Variants in SPTBN1 observed in about 807,000 individuals in gnomAD.
SPTBN1 encodes spectrin beta chain, non-erythrocytic 1.
Under a neutral mutation model 266.4 loss-of-function variants are expected in SPTBN1, and 32 were observed. That is an observed-to-expected ratio of 0.12 (90% CI 0.09 to 0.16). The LOEUF (loss-of-function observed/expected upper bound fraction) is 0.16. Ranked by LOEUF, SPTBN1 falls within the 10% of genes least tolerant of loss-of-function variation. The pLI, the probability that SPTBN1 is intolerant of heterozygous loss-of-function variation, is 1.00. For missense variants in SPTBN1, 2,296 were observed against 3,067.1 expected (o/e 0.75, Z 5.94); for synonymous variants, 1,336 against 1,162.2 (o/e 1.15, Z -3.04).
intron 3 of SPTBN1, among the ~76,000 whole-genome samples, chr2:54,601,742 CTAGGTGATTCAATTTACT>C (rs1181836463): frequency 6.6e-6 from 1 of 152,152 alleles, no homozygotes; most frequent in Non-Finnish European, 1.5e-5. Flanking sequence ...GTTTGAGGGA[CTAGGTGATTCAATTTACT>C]TAATTAATAG....
intron 1 of SPTBN1, among the ~76,000 whole-genome samples, chr2:54,481,207 A>C (rs1031936965): frequency 6.6e-6 from 1 of 152,068 alleles, no homozygotes; most frequent in Non-Finnish European, 1.5e-5. Context: ...AAAAAAAAAA[A>C]GTAACCTTCA....
chr2:54,641,818 C>T (rs1679586335), intron 18 of SPTBN1, among the ~76,000 whole-genome samples: 1 of 152,172 alleles, frequency 6.6e-6, no homozygotes, highest in Non-Finnish European at 1.5e-5. Flanking sequence ...TCTCGGGGAG[C>T]CTTTCCTGGC....
In SPTBN1 at chr2:54,489,597, G is replaced by A. The variant is rs573874830; in HGVS notation, c.-48+33079G>A. Among the ~76,000 whole-genome samples, 38 of 151,724 alleles carry A rather than the reference G, an allele frequency of 2.5e-4. 1 individual carries two copies. In the East Asian group the frequency reaches 4.4e-3, roughly 18 times the overall value. On this transcript the variant is annotated intron_variant, in intron 1 of 35. Transcript: ENST00000356805. ...CATCTGTAATCTCTGTTCTTGGAAG[G>A]CTGAGGCATGAGAATCACTTGAACC...
intron 32 of SPTBN1, chr2:54,663,305 G>A (rs1681173732): frequency 6.6e-6 from 1 of 152,180 alleles, no homozygotes; most frequent in Non-Finnish European, 1.5e-5. Context: ...GCGTGCCATT[G>A]ACTTCTCCAT....
At chr2:54,655,311 T>TAC (rs34493199) in intron 28 of SPTBN1, 103 bp downstream of exon 28, 8 of 1,407,708 alleles carry the variant, frequency 5.7e-6, no homozygotes, top group African/African-American at 1.4e-5. Context: ...TACATTCTTA[T>TAC]ACACACACAC....
intron 2 of SPTBN1, among the ~76,000 whole-genome samples, chr2:54,575,242 A>G (rs936057628): frequency 1.3e-5 from 2 of 152,208 alleles, no homozygotes; most frequent in Non-Finnish European, 2.9e-5. Context: ...TAAGTGTCAC[A>G]CCTAACCTAG....
chr2:54,463,978 C>T (rs1487175475), intron 1 of SPTBN1, among the ~76,000 whole-genome samples: 1 of 152,194 alleles, frequency 6.6e-6, no homozygotes, highest in Non-Finnish European at 1.5e-5. Context: ...TAAGTTCAAA[C>T]TCACCAGTGT....
intron 18 of SPTBN1, among the ~76,000 whole-genome samples, chr2:54,640,226 C>T (rs1022574869): frequency 5.3e-5 from 8 of 152,128 alleles, no homozygotes; most frequent in African/African-American, 1.9e-4. Flanking sequence ...TGATAATCTA[C>T]CTGTCATTCT....
chr2:54,495,024 G>A (rs1668889759), intron 1 of SPTBN1, among the ~76,000 whole-genome samples: 1 of 152,076 alleles, frequency 6.6e-6, no homozygotes, highest in Admixed American at 6.5e-5. Context: ...AGGGGCAGAA[G>A]TGGGCTGACA....
chr2:54,613,012 G>A (rs370755374), intron 4 of SPTBN1, among the ~76,000 whole-genome samples: 19 of 152,308 alleles, frequency 1.2e-4, no homozygotes, highest in African/African-American at 4.1e-4. Flanking sequence ...GGGACCCACA[G>A]AAATTTGAAA....
rs191752212 is a variant in SPTBN1 at position 54,537,579 on chromosome 2, A to G, written c.148+11013A>G. 2.0e-5 allele frequency among the ~76,000 whole-genome samples: 3 copies of G among 152,338 alleles called. No homozygotes were observed. In the East Asian group the frequency reaches 5.8e-4, roughly 29 times the overall value. ...GGTGGGGTGGAGGAAGGCATTTTAT[A>G]GTAGGACTTTTGGGGAAAGAGACTG... On this transcript the variant is annotated intron_variant, in intron 2 of 35. Coordinates refer to ENST00000356805, the MANE Select transcript of SPTBN1 (RefSeq NM_003128.3).
Position 54,553,470 on chromosome 2 carries a change from C to T in SPTBN1, c.148+26904C>T, listed in dbSNP as rs533680568. On this transcript the variant is annotated intron_variant, in intron 2 of 35. Transcript: ENST00000356805. ...TTGGAGCCGCTTCTCTATCTGGCCA[C>T]GCTAATGGAAGAGGATTATTTTAGC... 3.9e-5 allele frequency among the ~76,000 whole-genome samples: 6 copies of T among 152,238 alleles called. No individual in the cohort carries two copies. In the East Asian group the frequency reaches 5.8e-4, roughly 15 times the overall value.
At chr2:54,493,438 T>C (rs1246209660) in intron 1 of SPTBN1, among the ~76,000 whole-genome samples, 2 of 151,256 alleles carry the variant, frequency 1.3e-5, no homozygotes, top group African/African-American at 4.9e-5. Flanking sequence ...ACAGTCTAAC[T>C]CTTGTCACGC....
intron 2 of SPTBN1, among the ~76,000 whole-genome samples, chr2:54,541,597 T>C (rs1017029279): frequency 1.3e-5 from 2 of 152,202 alleles, no homozygotes; most frequent in African/African-American, 4.8e-5. Context: ...CAGGGAGCCA[T>C]TTTAATTGAC....
chr2:54,553,665 T>A (rs1573398653), intron 2 of SPTBN1, among the ~76,000 whole-genome samples: 1 of 152,332 alleles, frequency 6.6e-6, no homozygotes, highest in East Asian at 1.9e-4. Flanking sequence ...TTTCTGTCCC[T>A]CCCTGTTCCC....
Position 54,498,307 on chromosome 2 carries a change from T to G in SPTBN1, c.-47-28065T>G, listed in dbSNP as rs79316174. ...TGTGTGGCTTCTGAGCACATGTGGC[T>G]GGTGTGAATTTTAAATTTTATTTAA... On this transcript the variant is annotated intron_variant, in intron 1 of 35. Coordinates refer to ENST00000356805, the MANE Select transcript of SPTBN1 (RefSeq NM_003128.3). Among the ~76,000 whole-genome samples the G allele has an allele frequency of 7.3e-3, 1,118 of 152,334 alleles. 15 individuals are homozygous for G. The highest frequency in any genetic ancestry group is 0.025 in the African/African-American group (1,059 of 41,572).
At chr2:54,524,965 A>C (rs975011818) in intron 1 of SPTBN1, among the ~76,000 whole-genome samples, 3 of 151,936 alleles carry the variant, frequency 2.0e-5, no homozygotes, top group Non-Finnish European at 2.9e-5. Context: ...TTTTATTTAA[A>C]CTATCTTGCC....
At chr2:54,578,860 T>G (rs1674681390) in intron 2 of SPTBN1, among the ~76,000 whole-genome samples, 1 of 152,102 alleles carries the variant, frequency 6.6e-6, no homozygotes, top group East Asian at 1.9e-4. Context: ...AATAGGATTG[T>G]TGGGTTGGTG....
intron 1 of SPTBN1, among the ~76,000 whole-genome samples, chr2:54,469,021 A>G (rs1693781830): frequency 6.6e-6 from 1 of 152,154 alleles, no homozygotes; most frequent in Non-Finnish European, 1.5e-5. Context: ...GGGTCTTTGT[A>G]TTAGCTGGAT....
Sources: allele counts gnomAD v4.1 joint callset (sites outside exome capture counted in the v4.1 genomes callset), GRCh38; gene constraint gnomAD v4.1.1; transcripts MANE v1.5; gene names NCBI Gene and HGNC (gene_info 2026-07-23, HGNC 2026-07-21).